NAALADL2: variants seen among roughly 807,000 people sequenced by gnomAD.
NAALADL2 encodes the protein N-acetylated alpha-linked acidic dipeptidase like 2, also known as inactive N-acetylated-alpha-linked acidic dipeptidase-like protein 2.
Under a neutral mutation model 87.2 loss-of-function variants are expected in NAALADL2, and 76 were observed. That is an observed-to-expected ratio of 0.87 (90% confidence interval 0.72 to 1.05). The LOEUF is 1.05. NAALADL2 is among the 50% of genes least tolerant of loss of function. The pLI is 0.00. For synonymous variants in NAALADL2, 354 were observed against 331.0 expected (o/e 1.07, Z -0.75); for missense variants, 1,089 against 945.8 (o/e 1.15, Z -1.99).
At chr3:175,282,865 A>G (rs758100908) in intron 4 of NAALADL2, among the ~76,000 whole-genome samples, 12 of 149,962 alleles carry the variant, frequency 8.0e-5, no homozygotes, top group Non-Finnish European at 1.6e-4. Flanking sequence ...TTCAAGAATG[A>G]AGTATACAGA....
At chr3:174,491,132 G>T (rs1718166207) in intron 1 of NAALADL2, among the ~76,000 whole-genome samples, 1 of 152,060 alleles carries the variant, frequency 6.6e-6, no homozygotes, top group Non-Finnish European at 1.5e-5. Flanking sequence ...TCAATTTGGG[G>T]TGAACACTAT....
At chr3:175,489,993 T>C (rs1462795681) in intron 9 of NAALADL2, among the ~76,000 whole-genome samples, 3 of 152,174 alleles carry the variant, frequency 2.0e-5, no homozygotes, top group African/African-American at 7.2e-5. Flanking sequence ...CCAGATGATA[T>C]GGGTAGATTG....
intron 2 of NAALADL2, among the ~76,000 whole-genome samples, chr3:174,554,212 T>G (rs964623939): frequency 3.4e-4 from 51 of 152,126 alleles, no homozygotes; most frequent in Admixed American, 1.3e-3. Flanking sequence ...TACTTAGCCT[T>G]TAATAAAAGC....
chr3:175,085,689 C>G (rs1408239385), intron 1 of NAALADL2, among the ~76,000 whole-genome samples: 2 of 151,956 alleles, frequency 1.3e-5, no homozygotes, highest in Non-Finnish European at 2.9e-5. Flanking sequence ...CTTTGGGAGG[C>G]CTAGCAGATC....
intron 3 of NAALADL2, among the ~76,000 whole-genome samples, chr3:174,816,530 T>G (rs985043525): frequency 1.7e-3 from 257 of 148,156 alleles, no homozygotes; most frequent in African/African-American, 6.0e-3. Flanking sequence ...TTATATTATA[T>G]ATAATTTTTA....
intron 1 of NAALADL2, among the ~76,000 whole-genome samples, chr3:175,081,775 A>G (rs527638907): frequency 6.2e-4 from 95 of 152,342 alleles, no homozygotes; most frequent in Non-Finnish European, 1.2e-3. Context: ...GGTAAAGTGT[A>G]CATATAGTTA....
chr3:174,898,128 A>AG (rs1731824574), intron 1 of NAALADL2, among the ~76,000 whole-genome samples: 1 of 131,804 alleles, frequency 7.6e-6, no homozygotes, highest in Non-Finnish European at 1.5e-5. Flanking sequence ...AAAAAAAAAA[A>AG]AAAAAAAAAA....
At chr3:174,971,273 C>T (rs1015934525) in intron 1 of NAALADL2, among the ~76,000 whole-genome samples, 3 of 152,100 alleles carry the variant, frequency 2.0e-5, no homozygotes, top group Non-Finnish European at 4.4e-5. Context: ...TCCTGTTTTC[C>T]AAGAGATCAC....
chr3:174,931,043 T>C (rs892439280), intron 1 of NAALADL2, among the ~76,000 whole-genome samples: 27 of 151,948 alleles, frequency 1.8e-4, no homozygotes, highest in African/African-American at 5.8e-4. Flanking sequence ...GGTAGTTCTT[T>C]CCTCACACTT....
intron 11 of NAALADL2, among the ~76,000 whole-genome samples, chr3:175,721,645 T>C (rs1742249625): frequency 6.6e-6 from 1 of 152,022 alleles, no homozygotes; most frequent in Non-Finnish European, 1.5e-5. Context: ...GTATACAAAA[T>C]AAAAACTGAT....
intron 2 of NAALADL2, among the ~76,000 whole-genome samples, chr3:174,736,578 G>T (rs934785460): frequency 6.6e-6 from 1 of 152,096 alleles, no homozygotes; most frequent in Non-Finnish European, 1.5e-5. Context: ...TAGGCAGGTT[G>T]TCCTGTCATC....
intron 3 of NAALADL2, among the ~76,000 whole-genome samples, chr3:174,841,037 T>TG (rs1723968933): frequency 7.1e-6 from 1 of 140,984 alleles, no homozygotes; most frequent in African/African-American, 2.6e-5. Flanking sequence ...TTTGACTTTA[T>TG]TAAAAAAAAA....
At chr3:175,479,711 T>A (rs1726185202) in intron 9 of NAALADL2, among the ~76,000 whole-genome samples, 1 of 151,828 alleles carries the variant, frequency 6.6e-6, no homozygotes, top group Admixed American at 6.6e-5. Flanking sequence ...GAATTTCACC[T>A]GCAAATTTAT....
At chr3:174,822,316 T>C (rs1265183387) in intron 3 of NAALADL2, among the ~76,000 whole-genome samples, 3 of 152,322 alleles carry the variant, frequency 2.0e-5, no homozygotes, top group African/African-American at 7.2e-5. Context: ...CATTCTCAGA[T>C]ATTTTTATGA....
intron 1 of NAALADL2, among the ~76,000 whole-genome samples, chr3:174,510,337 C>T (rs1201982580): frequency 6.6e-6 from 1 of 151,840 alleles, no homozygotes; most frequent in African/African-American, 2.4e-5. Flanking sequence ...TTTGCTTAAA[C>T]GTTTGATACA....
intron 13 of NAALADL2, among the ~76,000 whole-genome samples, chr3:175,801,556 T>C (rs1366330175): frequency 6.6e-6 from 1 of 152,148 alleles, no homozygotes; most frequent in Non-Finnish European, 1.5e-5. Context: ...TTTTTTACTT[T>C]CCTAAACTTT....
rs1285312212 is a variant in NAALADL2, at chr3:175,784,640, C to T, written c.2190-18365C>T. ...TAGTGGTCTATCTATTTTGTTGATC[C>T]TTTCAAAAAACCAGCTCCTGGATTC... On this transcript the variant is annotated intron_variant, in intron 13 of 13. Transcript: ENST00000454872. Among the ~76,000 whole-genome samples, 6 of 141,684 alleles carry T rather than the reference C, an allele frequency of 4.2e-5. No individual in the cohort carries two copies. In the Admixed American group the frequency reaches 4.2e-4, roughly 10 times the overall value. The allele number at this position is 141,684 out of a possible 152,430, so 93.0% of individuals were successfully genotyped here. A position where few individuals can be genotyped will look rare whatever the true frequency, so the allele number is the denominator to read the frequency against.
intron 11 of NAALADL2, among the ~76,000 whole-genome samples, chr3:175,665,342 C>A (rs938391472): frequency 9.9e-5 from 15 of 152,098 alleles, no homozygotes; most frequent in African/African-American, 3.6e-4. Flanking sequence ...GGCTTCAGAC[C>A]AACCAACTTT....
At chr3:175,368,133 G>T (rs1249573795) in intron 5 of NAALADL2, among the ~76,000 whole-genome samples, 1 of 152,102 alleles carries the variant, frequency 6.6e-6, no homozygotes, top group African/African-American at 2.4e-5. Context: ...TTTGTCTTTG[G>T]TTCTGTTTAT....
Sources: allele counts gnomAD v4.1 joint callset (sites outside exome capture counted in the v4.1 genomes callset), GRCh38; gene constraint gnomAD v4.1.1; transcripts MANE v1.5; gene names NCBI Gene and HGNC (gene_info 2026-07-23, HGNC 2026-07-21).